CCDC102B: variants seen among roughly 807,000 people sequenced by gnomAD.
CCDC102B encodes coiled-coil domain-containing protein 102B.
CCDC102B carries 75 observed loss-of-function variants against 57.4 expected under a neutral mutation model. That is an observed-to-expected ratio of 1.31 (90% CI 1.08 to 1.58). CCDC102B has a LOEUF of 1.58. CCDC102B is among the 40% of genes most tolerant of loss of function. The probability of loss-of-function intolerance (pLI) is 0.00; values close to 1 mark genes in which losing one functional copy is unlikely to be tolerated. For missense variants in CCDC102B, 636 were observed against 582.6 expected (o/e 1.09, Z -0.94); for synonymous variants, 206 against 201.9 (o/e 1.02, Z -0.17).
At chr18:68,916,718 C>A (rs1239164419) in intron 6 of CCDC102B, among the ~76,000 whole-genome samples, 1 of 152,208 alleles carries the variant, frequency 6.6e-6, no homozygotes, top group South Asian at 2.1e-4. Flanking sequence ...TCAATCAAAT[C>A]ATCAACAAAA....
At chr18:68,988,575 A>G (rs2050784510) in intron 6 of CCDC102B, among the ~76,000 whole-genome samples, 1 of 151,946 alleles carries the variant, frequency 6.6e-6, no homozygotes, top group South Asian at 2.1e-4. Flanking sequence ...ACAAAAAAAA[A>G]GGAAAAAAAA....
chr18:69,050,152 G>T (rs1010895556), intron 7 of CCDC102B, among the ~76,000 whole-genome samples: 1 of 150,620 alleles, frequency 6.6e-6, no homozygotes, highest in Admixed American at 6.6e-5. Flanking sequence ...TATGAGCCAA[G>T]TGTTGAAGGA....
At chr18:68,984,444 C>A (rs958610625) in intron 6 of CCDC102B, among the ~76,000 whole-genome samples, 1 of 152,046 alleles carries the variant, frequency 6.6e-6, no homozygotes, top group African/African-American at 2.4e-5. Context: ...GCACTTCTTC[C>A]CAAGGGGACT....
At chr18:69,022,444 T>G (rs1482360730) in intron 7 of CCDC102B, among the ~76,000 whole-genome samples, 7 of 152,042 alleles carry the variant, frequency 4.6e-5, no homozygotes, top group African/African-American at 1.7e-4. Context: ...TGCTGTTCAT[T>G]AATTTACGAG....
At chr18:68,720,252 C>T (rs1178915365) in intron 2 of CCDC102B, among the ~76,000 whole-genome samples, 3 of 152,212 alleles carry the variant, frequency 2.0e-5, no homozygotes, top group Non-Finnish European at 4.4e-5. Context: ...ATAACACTAA[C>T]ACTGATCAAT....
At chr18:68,765,336 A>AG (rs2034413575) in intron 2 of CCDC102B, among the ~76,000 whole-genome samples, 1 of 106,932 alleles carries the variant, frequency 9.4e-6, no homozygotes, top group Non-Finnish European at 2.1e-5. Context: ...AAAGAAAGAA[A>AG]GAAAGAAAGA....
At chr18:68,884,587 CACACACACACACACACACATAT>C (rs1299282260) in intron 5 of CCDC102B, among the ~76,000 whole-genome samples, 4 of 81,810 alleles carry the variant, frequency 4.9e-5, no homozygotes, top group Non-Finnish European at 1.4e-4. Flanking sequence ...TACAAATACA[CACACACACACACACACACATAT>C]ACACACACAC....
chr18:68,866,822 T>C (rs2039006350), intron 4 of CCDC102B: 3 of 694,976 alleles, frequency 4.3e-6, no homozygotes, highest in East Asian at 2.9e-5. Context: ...TATTTGAAAC[T>C]TGTGAAGTCC....
chr18:68,886,653 A>G (rs1451358294), intron 5 of CCDC102B, among the ~76,000 whole-genome samples: 1 of 152,118 alleles, frequency 6.6e-6, no homozygotes, highest in Non-Finnish European at 1.5e-5. Flanking sequence ...TTGTTCTAGA[A>G]AAGATTTCAT....
chr18:69,049,272 T>C (rs192764529), intron 7 of CCDC102B, among the ~76,000 whole-genome samples: 117 of 152,214 alleles, frequency 7.7e-4, no homozygotes, highest in South Asian at 3.9e-3. Context: ...CTCCAACTTA[T>C]GAGTGAGAAC....
intron 4 of CCDC102B, among the ~76,000 whole-genome samples, chr18:68,871,045 T>G (rs748204723): frequency 2.6e-5 from 4 of 152,184 alleles, no homozygotes; most frequent in African/African-American, 9.6e-5. Flanking sequence ...TACTGATAAT[T>G]TTCCAGAAGT....
chr18:68,897,166 C>G, intron 5 of CCDC102B, 53 bp from the exon 6 acceptor site: 2 of 1,437,192 alleles, frequency 1.4e-6, no homozygotes, highest in South Asian at 2.4e-5. Context: ...GTGGCATTAT[C>G]TTTTGGCAAT....
At chr18:68,788,463 T>C (rs2035297419) in intron 2 of CCDC102B, among the ~76,000 whole-genome samples, 1 of 151,388 alleles carries the variant, frequency 6.6e-6, no homozygotes, top group African/African-American at 2.4e-5. Flanking sequence ...TGTGGGAGTC[T>C]AAGTCTCTTT....
At chr18:68,995,966 T>C (rs975013164) in intron 6 of CCDC102B, among the ~76,000 whole-genome samples, 82 of 152,338 alleles carry the variant, frequency 5.4e-4, no homozygotes, top group African/African-American at 1.9e-3. Context: ...AGCTCACTCC[T>C]TGCATTAGCG....
intron 6 of CCDC102B, among the ~76,000 whole-genome samples, chr18:68,930,222 A>G (rs1465256168): frequency 6.7e-6 from 1 of 148,468 alleles, no homozygotes; most frequent in Non-Finnish European, 1.5e-5. Flanking sequence ...TACATTATAT[A>G]ATTATATATA....
chr18:68,852,397 A>G (rs1486760884), intron 4 of CCDC102B, among the ~76,000 whole-genome samples: 1 of 152,198 alleles, frequency 6.6e-6, no homozygotes, highest in Non-Finnish European at 1.5e-5. Flanking sequence ...CAAAATCCAC[A>G]GATGTTCAAG....
intron 5 of CCDC102B, among the ~76,000 whole-genome samples, chr18:68,892,895 C>T (rs1001115781): frequency 3.3e-5 from 5 of 152,158 alleles, no homozygotes; most frequent in African/African-American, 9.7e-5. Context: ...GACAATGGCT[C>T]TCATATCTCA....
Position 68,757,722 on chromosome 18 carries a change from C to T in CCDC102B, c.-67+41128C>T, listed in dbSNP as rs28588806. ...ATAAGAAAAATTATAGCTCTAGTTG[C>T]CACTTTATTTTTGCTACATAGCTTC... On this transcript the variant is annotated intron_variant, in intron 2 of 3. Transcript: ENST00000578970. Among the ~76,000 whole-genome samples, 452 of 152,128 alleles carry T rather than the reference C, an allele frequency of 3.0e-3. 3 individuals are homozygous for T. Among genetic ancestry groups the T allele is most frequent in the African/African-American group, 0.01 (427 of 41,504 alleles).
chr18:68,909,184 A>G (rs199916251), intron 6 of CCDC102B, among the ~76,000 whole-genome samples: 320 of 1,924 alleles, frequency 0.17, 1 homozygote, highest in Non-Finnish European at 0.25. Flanking sequence ...GGAGGAAGGG[A>G]AAAAAAAAGC....
Sources: allele counts gnomAD v4.1 joint callset (sites outside exome capture counted in the v4.1 genomes callset), GRCh38; gene constraint gnomAD v4.1.1; transcripts MANE v1.5; gene names NCBI Gene and HGNC (gene_info 2026-07-23, HGNC 2026-07-21).